SARS1: variants seen among roughly 807,000 people sequenced by gnomAD.
SARS1 encodes the protein serine--tRNA ligase, cytoplasmic.
In SARS1, 25 loss-of-function variants were observed where a neutral mutation model predicts 63.7. The ratio of observed to expected loss-of-function variants is 0.39; its 90% CI spans 0.29 to 0.55. The LOEUF (loss-of-function observed/expected upper bound fraction) is 0.55. SARS1 is among the 20% of genes least tolerant of loss of function. The pLI is 0.62. For synonymous variants in SARS1, 231 were observed against 243.5 expected (o/e 0.95, Z 0.48); for missense variants, 417 against 649.7 (o/e 0.64, Z 3.89).
chr1:109,238,055 G>T lies in SARS1; in HGVS notation c.*167G>T. 1 of 715,934 alleles carries T rather than the reference G, an allele frequency of 1.4e-6. No homozygotes were observed. Among genetic ancestry groups the T allele is most frequent in the Non-Finnish European group, 2.3e-6 (1 of 427,444 alleles). 44.3% of individuals were successfully genotyped at this position (715,934 alleles called of 1,614,324 possible). On this transcript the variant is annotated 3_prime_UTR_variant, in exon 11 of 11. Coordinates refer to ENST00000234677, the MANE Select transcript of SARS1 (RefSeq NM_006513.4). ...ACCACACAGATGTTCCTGTCTCCTC[G>T]CATGGGCATAGGGACCCATCATTGA...
chr1:109,218,442 T>G (rs1654845165), intron 1 of SARS1, among the ~76,000 whole-genome samples: 1 of 140,352 alleles, frequency 7.1e-6, no homozygotes, highest in East Asian at 2.2e-4. Context: ...GTCCTCAAAC[T>G]CCAAAGTATG....
At chr1:109,226,727 CATATAT>C (rs879464713) in intron 2 of SARS1, among the ~76,000 whole-genome samples, 65 of 40,768 alleles carry the variant, frequency 1.6e-3, no homozygotes, top group African/African-American at 4.0e-3. Flanking sequence ...CACACACACA[CATATAT>C]ATATATTTAT....
At chr1:109,227,057 G>A (rs1157405266) in intron 2 of SARS1, among the ~76,000 whole-genome samples, 8 of 144,148 alleles carry the variant, frequency 5.5e-5, no homozygotes, top group African/African-American at 1.6e-4. Flanking sequence ...GTGCAGTGGT[G>A]TGATCTCAGC....
chr1:109,237,512 C>G lies in SARS1; in HGVS notation c.1387+139C>G. 1 of 1,359,974 alleles carries G rather than the reference C, an allele frequency of 7.4e-7. No homozygotes were observed. The highest frequency in any genetic ancestry group is 1.3e-5 in the South Asian group (1 of 78,690). 84.2% of individuals were successfully genotyped at this position (1,359,974 alleles called of 1,614,324 possible). ...ACTCTGTCTGCCCTCTCGGGCTGGG[C>G]AGGGCAGGGGGCCTGGTTGAGAAAG... On this transcript the variant is annotated intron_variant, in intron 10 of 10. Transcript: ENST00000234677. The surrounding 1 kb of genome is among the most constrained non-coding windows in gnomAD (Gnocchi z 4.1).
chr1:109,217,020 TC>T, intron 1 of SARS1: 1 of 985,430 alleles, frequency 1.0e-6, no homozygotes, highest in Non-Finnish European at 1.2e-6. Flanking sequence ...CTATCTGCTT[TC>T]AATCTTAACC....
intron 2 of SARS1, among the ~76,000 whole-genome samples, chr1:109,226,461 C>T (rs887566309): frequency 6.7e-6 from 1 of 149,806 alleles, no homozygotes; most frequent in Non-Finnish European, 1.5e-5. Flanking sequence ...AAGCAGTCCT[C>T]CCACCTCAGC....
At chr1:109,236,590 C>G in intron 9 of SARS1, 42 bp downstream of exon 9, 2 of 1,583,216 alleles carry the variant, frequency 1.3e-6, no homozygotes, top group Non-Finnish European at 1.7e-6. Context: ...GTCTTCAGTA[C>G]ACGGCCCGTC....
Position 109,235,237 on chromosome 1 carries a change from GATGACAACTCCT to G in SARS1, c.780_791del (p.Asn261_Asp264del). Reference sequence around the variant, plus strand: ...GATTGGCAAAGGCAGTGAAAAGTCTGATGACAACTCCTATGATGAGAAGTACCTGATTGCCAC... The same window carrying G: ...GATTGGCAAAGGCAGTGAAAAGTCTGATGATGAGAAGTACCTGATTGCCAC... On this transcript the variant is annotated inframe_deletion, in exon 7 of 11. Coordinates refer to ENST00000234677, the MANE Select transcript of SARS1 (RefSeq NM_006513.4). The surrounding 1 kb of genome is among the most constrained non-coding windows in gnomAD (Gnocchi z 4.7). The G allele has an allele frequency of 1.2e-6, 2 of 1,614,136 alleles. No individual in the cohort carries two copies. Among genetic ancestry groups the G allele is most frequent in the Non-Finnish European group, 1.7e-6 (2 of 1,180,008 alleles).
intron 2 of SARS1, among the ~76,000 whole-genome samples, chr1:109,226,723 CACACATAT>C (rs1406558994): frequency 4.0e-5 from 2 of 50,252 alleles, no homozygotes; most frequent in African/African-American, 9.5e-5. Flanking sequence ...CACACACACA[CACACATAT>C]ATATATATTT....
intron 2 of SARS1, among the ~76,000 whole-genome samples, chr1:109,224,777 C>T (rs1424396404): frequency 6.6e-6 from 1 of 152,058 alleles, no homozygotes; most frequent in Non-Finnish European, 1.5e-5. Context: ...TTCAAAAATA[C>T]CTGTTTAGCC....
intron 1 of SARS1, among the ~76,000 whole-genome samples, chr1:109,222,740 T>A (rs11102962): frequency 0.43 from 65,318 of 152,130 alleles, 16,241 homozygotes; most frequent in Non-Finnish European, 0.55. Context: ...CTGGATGCCA[T>A]GGCTCACACC....
chr1:109,236,825 A>G, intron 9 of SARS1: 2 of 1,602,130 alleles, frequency 1.2e-6, no homozygotes, highest in Non-Finnish European at 1.7e-6. Flanking sequence ...ATCTCCATTT[A>G]TCTACACAGA....
chr1:109,214,468 C>T lies in SARS1; in HGVS notation c.136+340C>T. 2.0e-6 allele frequency: 2 copies of T among 995,078 alleles called. No homozygotes were observed. The highest frequency in any genetic ancestry group is 2.5e-6 in the Non-Finnish European group (2 of 811,028). The allele number at this position is 995,078 out of a possible 1,614,324, so 61.6% of individuals were successfully genotyped here. On this transcript the variant is annotated intron_variant, in intron 1 of 10. Transcript: ENST00000234677. The surrounding 1 kb of genome is among the most constrained non-coding windows in gnomAD (Gnocchi z 4.6). Reference sequence around the variant, plus strand: ...GAGGTTGTGGGGTCTACGCGGCTTTCCTAACACGAATCTTTGGTCCCCCCC... The same window carrying T: ...GAGGTTGTGGGGTCTACGCGGCTTTTCTAACACGAATCTTTGGTCCCCCCC...
intron 1 of SARS1, chr1:109,215,871 A>ATT: frequency 3.2e-5 from 10 of 311,004 alleles, no homozygotes; most frequent in South Asian, 1.3e-4. Context: ...CACCCAGCTA[A>ATT]TTTTTTTTTT....
chr1:109,236,087 C>T lies in SARS1; in HGVS notation c.1080C>T (p.His360=). 6.2e-7 allele frequency: 1 copy of T among 1,613,782 alleles called. No individual in the cohort carries two copies. Among genetic ancestry groups the T allele is most frequent in the African/African-American group, 1.3e-5 (1 of 75,030 alleles). Residue 360 remains histidine, a synonymous_variant, in exon 8 of 11, where the codon CAC becomes CAT. Coordinates refer to ENST00000234677, the MANE Select transcript of SARS1 (RefSeq NM_006513.4). ...ACCAGTCCCTGGGGATTCCTTACCA[C>T]ATTGTGAATATTGTCTCAGGTATGG... ...EFYQSLGIPY[H]IVNIVSGSLN...
chr1:109,228,582 A>T, intron 3 of SARS1, 150 bp downstream of exon 3: 1 of 602,124 alleles, frequency 1.7e-6, no homozygotes. Flanking sequence ...TTCTTGTTAT[A>T]TTCTATATTT....
At chr1:109,226,879 C>G (rs377485749) in intron 2 of SARS1, among the ~76,000 whole-genome samples, 1 of 150,852 alleles carries the variant, frequency 6.6e-6, no homozygotes, top group East Asian at 1.9e-4. Context: ...GCCACTGTAC[C>G]TGGCTATACT....
Position 109,237,611 on chromosome 1 carries a change from G to A in SARS1, c.1388-120G>A. ...GAAGAAAAGAATAAAGGAAACCAGT[G>A]CCTATCAAAGGGACCCCTCTGTTCA... On this transcript the variant is annotated intron_variant, in intron 10 of 10. Coordinates refer to ENST00000234677, the MANE Select transcript of SARS1 (RefSeq NM_006513.4). This position sits in a 1 kb window ranked among gnomAD's most constrained non-coding sequence, Gnocchi z 4.1. The A allele has an allele frequency of 8.4e-7, 1 of 1,189,734 alleles. No homozygotes were observed. Among genetic ancestry groups the A allele is most frequent in the Non-Finnish European group, 1.2e-6 (1 of 838,130 alleles). The allele number at this position is 1,189,734 out of a possible 1,614,324, so 73.7% of individuals were successfully genotyped here.
At chr1:109,215,310 C>A (rs1219320108) in intron 1 of SARS1, 1 of 985,350 alleles carries the variant, frequency 1.0e-6, no homozygotes. Flanking sequence ...TCTACTGAAT[C>A]TGAAGTCAGG....
Sources: allele counts gnomAD v4.1 joint callset (sites outside exome capture counted in the v4.1 genomes callset), GRCh38; gene constraint gnomAD v4.1.1; non-coding constraint Gnocchi (gnomAD v3.1); transcripts MANE v1.5; gene names NCBI Gene and HGNC (gene_info 2026-07-23, HGNC 2026-07-21).